Variants in GLI2 observed in about 807,000 individuals in gnomAD.
The protein encoded by GLI2 is GLI family zinc finger 2, also known as transcription activator GLI2.
In GLI2, 22 loss-of-function variants were observed where a neutral mutation model predicts 78.9. That is an observed-to-expected ratio of 0.28 (90% confidence interval 0.20 to 0.40). GLI2 has a LOEUF of 0.40. Ranked by LOEUF, GLI2 falls within the 10% of genes least tolerant of loss-of-function variation. GLI2 has a pLI of 1.00. For synonymous variants in GLI2, 974 were observed against 963.7 expected (o/e 1.01, Z -0.20); for missense variants, 2,097 against 2,213.2 (o/e 0.95, Z 1.05).
Position 120,817,816 on chromosome 2 carries a change from C to T in GLI2, c.148+20348C>T, listed in dbSNP as rs182027391. 5.8e-4 allele frequency among the ~76,000 whole-genome samples: 88 copies of T among 152,232 alleles called. 1 individual carries two copies. Among genetic ancestry groups the T allele is most frequent in the African/African-American group, 1.9e-3 (80 of 41,546 alleles). On this transcript the variant is annotated intron_variant, in intron 2 of 13. Transcript: ENST00000361492. ...GCCCCGCTCCAGACTCCTTTGCGGG[C>T]GTAGCGTCCTCACCCACTCGCTCGT...
rs112392003 is a variant in GLI2 at position 120,761,706 on chromosome 2, C to G, written c.-31+25421C>G. On this transcript the variant is annotated intron_variant, in intron 1 of 13. Transcript: ENST00000361492. ...AGCTGCCGGCCCGTTGTTTGCTCCT[C>G]CAGCTTCCTGCCTGCCCCACGGTGC... Among the ~76,000 whole-genome samples the G allele has an allele frequency of 1.3e-5, 2 of 152,326 alleles. 1 individual carries two copies. The highest frequency in any genetic ancestry group is 4.8e-5 in the African/African-American group (2 of 41,566).
At chr2:120,774,021 T>C (rs1218344997) in intron 1 of GLI2, among the ~76,000 whole-genome samples, 2 of 146,448 alleles carry the variant, frequency 1.4e-5, no homozygotes, top group Non-Finnish European at 3.0e-5. Flanking sequence ...CTCCCTTCCA[T>C]CATCCACTAC....
intron 2 of GLI2, among the ~76,000 whole-genome samples, chr2:120,901,492 C>T (rs562298812): frequency 2.6e-5 from 4 of 152,312 alleles, no homozygotes; most frequent in Admixed American, 6.5e-5. Flanking sequence ...GGTGCTGCTC[C>T]GTGGCCTCTG....
intron 2 of GLI2, among the ~76,000 whole-genome samples, chr2:120,838,468 A>G (rs1200578650): frequency 6.6e-6 from 1 of 152,026 alleles, no homozygotes; most frequent in East Asian, 1.9e-4. Flanking sequence ...CTTTCTTTCC[A>G]ATTTTTCTCT....
At chr2:120,859,477 A>T (rs182027043) in intron 2 of GLI2, among the ~76,000 whole-genome samples, 4,622 of 94,454 alleles carry the variant, frequency 0.049, 121 homozygotes, top group Middle Eastern at 0.12. Flanking sequence ...TTTTTTTTTG[A>T]CAGAGTCTCG....
chr2:120,889,578 A>G (rs1344621595), intron 2 of GLI2, among the ~76,000 whole-genome samples: 1 of 152,172 alleles, frequency 6.6e-6, no homozygotes, highest in African/African-American at 2.4e-5. Context: ...ATATTTGCAA[A>G]CCTCATACCT....
At chr2:120,843,696 T>A (rs897746530) in intron 2 of GLI2, among the ~76,000 whole-genome samples, 2 of 152,080 alleles carry the variant, frequency 1.3e-5, no homozygotes, top group Non-Finnish European at 2.9e-5. Flanking sequence ...AGACAGAGTC[T>A]CCCTCTGTCT....
chr2:120,914,252 AG>A lies in GLI2; in HGVS notation c.149-13105del, dbSNP rs537013994. Among the ~76,000 whole-genome samples the A allele has an allele frequency of 3.7e-4, 57 of 152,324 alleles. 1 individual carries two copies. The highest frequency in any genetic ancestry group is 7.5e-4 in the Non-Finnish European group (51 of 68,022). On this transcript the variant is annotated intron_variant, in intron 2 of 13. Coordinates refer to ENST00000361492, the MANE Select transcript of GLI2 (RefSeq NM_001374353.1). ...GTATGTCAAGGGGCAGCAAGATTTTAGGGGAAAGCCTGAATCCATCCCAGGC... is the reference window on the plus strand; with the variant it reads ...GTATGTCAAGGGGCAGCAAGATTTTAGGGAAAGCCTGAATCCATCCCAGGC...
At chr2:120,964,752 G>A (rs182421785) in intron 5 of GLI2, among the ~76,000 whole-genome samples, 146 of 152,368 alleles carry the variant, frequency 9.6e-4, no homozygotes, top group Admixed American at 3.6e-3. Flanking sequence ...CTCTGAGAAG[G>A]CTCACTCTTC....
chr2:120,954,058 C>A (rs1180480277), intron 4 of GLI2, among the ~76,000 whole-genome samples: 1 of 152,150 alleles, frequency 6.6e-6, no homozygotes, highest in Non-Finnish European at 1.5e-5. Context: ...AGGAAGTAGA[C>A]CAGATACGCC....
chr2:120,888,105 CT>C (rs1262517377), intron 2 of GLI2, among the ~76,000 whole-genome samples: 1 of 152,216 alleles, frequency 6.6e-6, no homozygotes, highest in Non-Finnish European at 1.5e-5. Flanking sequence ...TAAGCCCCTG[CT>C]CTGTCACCTG....
chr2:120,986,478 G>A lies in GLI2; in HGVS notation c.2106G>A (p.Leu702=), dbSNP rs1682983087. 2 of 1,614,090 alleles carry A rather than the reference G, an allele frequency of 1.2e-6. No individual in the cohort carries two copies. The highest frequency in any genetic ancestry group is 1.1e-5 in the South Asian group (1 of 91,080). Residue 702 remains leucine, a synonymous_variant, in exon 13 of 14, where the codon CTG becomes CTA. Transcript: ENST00000361492. ...LAAPSAGGLQ[L]RKHMTTMHRF... ...CCCCCTCCGCTGGTGGCCTCCAGCT[G>A]CGCAAACACATGACCACCATGCACC...
chr2:120,897,758 T>G (rs943013671), intron 2 of GLI2, among the ~76,000 whole-genome samples: 8 of 152,188 alleles, frequency 5.3e-5, no homozygotes, highest in Admixed American at 5.2e-4. Flanking sequence ...CAGTTTCCCT[T>G]TCTGTACAAT....
chr2:120,861,248 A>G (rs983859370), intron 2 of GLI2, among the ~76,000 whole-genome samples: 1 of 152,226 alleles, frequency 6.6e-6, no homozygotes, highest in Non-Finnish European at 1.5e-5. Context: ...AGTGTGGTTC[A>G]TATTCTACCA....
chr2:120,830,448 G>T (rs984981383), intron 2 of GLI2, among the ~76,000 whole-genome samples: 1 of 152,222 alleles, frequency 6.6e-6, no homozygotes. Flanking sequence ...GTGGGTTTTT[G>T]TTCATGCTTC....
chr2:120,777,922 G>A lies in GLI2; in HGVS notation c.-30-19369G>A, dbSNP rs536069002. 5.9e-5 allele frequency among the ~76,000 whole-genome samples: 9 copies of A among 152,224 alleles called. No individual in the cohort carries two copies. The East Asian group carries it at 1.7e-3, about 29-fold the overall frequency. On this transcript the variant is annotated intron_variant, in intron 1 of 13. Transcript: ENST00000361492. ...GCAGAGCCCAGTGTGGTCAGAGTGG[G>A]AGCACGGAGACTCACTGGGGGTACA...
intron 2 of GLI2, among the ~76,000 whole-genome samples, chr2:120,857,350 CACCT>C (rs1335337495): frequency 3.5e-5 from 5 of 144,274 alleles, no homozygotes; most frequent in Admixed American, 2.8e-4. Context: ...TCTGCCCACC[CACCT>C]ACCTATCTGC....
At chr2:120,892,612 C>G (rs1427803122) in intron 2 of GLI2, among the ~76,000 whole-genome samples, 1 of 152,224 alleles carries the variant, frequency 6.6e-6, no homozygotes, top group Non-Finnish European at 1.5e-5. Flanking sequence ...GGGGCTTTTT[C>G]TTGCTGCTGC....
At chr2:120,792,338 G>C (rs183431968) in intron 1 of GLI2, 1 of 152,254 alleles carries the variant, frequency 6.6e-6, no homozygotes, top group Non-Finnish European at 1.5e-5. Context: ...AAAGACACAG[G>C]ACTGTGAAAG....
Sources: allele counts gnomAD v4.1 joint callset (sites outside exome capture counted in the v4.1 genomes callset), GRCh38; gene constraint gnomAD v4.1.1; transcripts MANE v1.5; gene names NCBI Gene and HGNC (gene_info 2026-07-23, HGNC 2026-07-21).